The following LYPLAL1 variants were observed in gnomAD, a reference collection of about 807,000 sequenced individuals.
LYPLAL1 encodes lysophospholipase like 1.
LYPLAL1 carries 23 observed loss-of-function variants against 19.7 expected under a neutral mutation model. That is an observed-to-expected ratio of 1.17 (90% CI 0.84 to 1.65). The LOEUF is 1.65. LYPLAL1 is among the 40% of genes most tolerant of loss of function. The probability of loss-of-function intolerance (pLI) is 0.00; values close to 1 mark genes in which losing one functional copy is unlikely to be tolerated. For synonymous variants in LYPLAL1, 119 were observed against 96.3 expected (o/e 1.24, Z -1.38); for missense variants, 355 against 279.4 (o/e 1.27, Z -1.93).
chr1:219,273,651 G>A, the LYPLAL1 span, among the ~76,000 whole-genome samples: 2 of 152,142 alleles, frequency 1.3e-5, no homozygotes, highest in African/African-American at 4.8e-5. Flanking sequence ...CCAACGTACT[G>A]TTCCTTTCTT....
At chr1:219,218,947 C>CCAGCT in the LYPLAL1 span, among the ~76,000 whole-genome samples, 1 of 152,100 alleles carries the variant, frequency 6.6e-6, no homozygotes. Flanking sequence ...CATTAGGAGG[C>CCAGCT]CAGCTGTCCT....
At chr1:219,365,244 CA>C in the LYPLAL1 span, among the ~76,000 whole-genome samples, 4 of 152,094 alleles carry the variant, frequency 2.6e-5, no homozygotes, top group South Asian at 4.2e-4. Context: ...CTCAGTTAGA[CA>C]AGGTGAAAGG....
the LYPLAL1 span, among the ~76,000 whole-genome samples, chr1:219,318,873 C>T: frequency 4.7e-4 from 72 of 152,280 alleles, no homozygotes; most frequent in African/African-American, 1.6e-3. Context: ...TGGAGGCTGA[C>T]GGGGCTTGTC....
chr1:219,291,859 T>C, the LYPLAL1 span, among the ~76,000 whole-genome samples: 1 of 151,054 alleles, frequency 6.6e-6, no homozygotes, highest in East Asian at 1.9e-4. Flanking sequence ...CACCATTCAT[T>C]GGAAGCAGGA....
At chr1:219,260,984 C>T in the LYPLAL1 span, among the ~76,000 whole-genome samples, 1 of 151,884 alleles carries the variant, frequency 6.6e-6, no homozygotes, top group African/African-American at 2.4e-5. Flanking sequence ...TTTCAATAAT[C>T]CTTGGGTCAC....
the LYPLAL1 span, among the ~76,000 whole-genome samples, chr1:219,422,754 C>T: frequency 6.6e-6 from 1 of 152,110 alleles, no homozygotes; most frequent in Admixed American, 6.5e-5. Flanking sequence ...GGGGAGCAGG[C>T]TTTTAACTAT....
chr1:219,301,248 A>G, the LYPLAL1 span, among the ~76,000 whole-genome samples: 2 of 152,240 alleles, frequency 1.3e-5, no homozygotes, highest in Non-Finnish European at 2.9e-5. Flanking sequence ...AGAGATACAA[A>G]ATAAATAAAC....
At chr1:219,355,338 A>G in the LYPLAL1 span, among the ~76,000 whole-genome samples, 1 of 152,256 alleles carries the variant, frequency 6.6e-6, no homozygotes, top group African/African-American at 2.4e-5. Context: ...AATAAAGGAG[A>G]TAAAAGGGAA....
the LYPLAL1 span, among the ~76,000 whole-genome samples, chr1:219,331,774 C>A: frequency 1.3e-5 from 2 of 152,112 alleles, no homozygotes; most frequent in East Asian, 3.9e-4. Flanking sequence ...CAGTCTGTAG[C>A]CGTAACTCAA....
the LYPLAL1 span, among the ~76,000 whole-genome samples, chr1:219,349,060 A>G: frequency 6.6e-6 from 1 of 152,194 alleles, no homozygotes; most frequent in Non-Finnish European, 1.5e-5. Context: ...CATAAAAGAG[A>G]AAATTGGGCT....
chr1:219,190,892 G>A lies in LYPLAL1; in HGVS notation c.192-2190G>A, dbSNP rs541699537. On this transcript the variant is annotated intron_variant, in intron 2 of 4. Transcript: ENST00000366928. ...CTCAGTAGTTGCTTGGGAAGGTTAC[G>A]GGAGTTGCTCGTGAAGGGGCATGAT... Among the ~76,000 whole-genome samples, 110 of 151,620 alleles carry A rather than the reference G, an allele frequency of 7.3e-4. 1 individual carries two copies. In the South Asian group the frequency reaches 0.022, roughly 30 times the overall value.
At chr1:219,388,707 A>G in the LYPLAL1 span, among the ~76,000 whole-genome samples, 1 of 152,156 alleles carries the variant, frequency 6.6e-6, no homozygotes, top group South Asian at 2.1e-4. Context: ...AAATAAATAA[A>G]TATCAGTAAA....
chr1:219,401,280 T>C, the LYPLAL1 span, among the ~76,000 whole-genome samples: 1 of 138,374 alleles, frequency 7.2e-6, no homozygotes, highest in Non-Finnish European at 1.6e-5. Flanking sequence ...TAAGTAATGC[T>C]CTTAACAAAA....
chr1:219,347,020 C>T, the LYPLAL1 span, among the ~76,000 whole-genome samples: 2 of 152,172 alleles, frequency 1.3e-5, no homozygotes, highest in African/African-American at 4.8e-5. Context: ...ACACAAGCAC[C>T]TCTGACAGTA....
At chr1:219,182,336 C>G (rs1656357474) in intron 2 of LYPLAL1, among the ~76,000 whole-genome samples, 1 of 152,094 alleles carries the variant, frequency 6.6e-6, no homozygotes, top group Non-Finnish European at 1.5e-5. Context: ...TAACACATTA[C>G]CCTGTTTAGG....
chr1:219,201,057 TAC>T, intron 3 of LYPLAL1, among the ~76,000 whole-genome samples: 1 of 152,346 alleles, frequency 6.6e-6, no homozygotes, highest in African/African-American at 2.4e-5. Flanking sequence ...TACCAGTTGA[TAC>T]TTCCAACCAT....
At chr1:219,299,886 T>C in the LYPLAL1 span, among the ~76,000 whole-genome samples, 8 of 152,248 alleles carry the variant, frequency 5.3e-5, no homozygotes, top group East Asian at 1.2e-3. Context: ...CACACACACA[T>C]AGGTATGTAT....
chr1:219,442,229 T>G, the LYPLAL1 span, among the ~76,000 whole-genome samples: 3 of 152,202 alleles, frequency 2.0e-5, no homozygotes, highest in Admixed American at 2.0e-4. Context: ...TCACTTCAGT[T>G]TCTATGTTCT....
the LYPLAL1 span, chr1:219,225,580 T>C: frequency 6.6e-6 from 1 of 152,206 alleles, no homozygotes; most frequent in Non-Finnish European, 1.5e-5. Context: ...CTCTTAGTTC[T>C]ACCCTCCTCA....
Sources: gnomAD v4.1 joint callset for allele counts (sites outside exome capture counted in the v4.1 genomes callset) on GRCh38, gnomAD v4.1.1 for gene constraint, MANE v1.5 for transcripts, NCBI Gene and HGNC (gene_info 2026-07-23, HGNC 2026-07-21) for gene names.